The following STK32B variants were observed in gnomAD, a reference collection of about 807,000 sequenced individuals.
STK32B encodes serine/threonine kinase 32B.
A neutral mutation model predicts 52.6 loss-of-function variants in STK32B; 43 were observed. The ratio of observed to expected loss-of-function variants is 0.82; its 90% CI spans 0.64 to 1.05. The LOEUF is 1.05. Ranked by LOEUF, STK32B falls within the 50% of genes least tolerant of loss-of-function variation. The probability of loss-of-function intolerance (pLI) is 0.00; values close to 1 mark genes in which losing one functional copy is unlikely to be tolerated. For missense variants in STK32B, 621 were observed against 534.6 expected (o/e 1.16, Z -1.59); for synonymous variants, 238 against 204.3 (o/e 1.17, Z -1.41).
the STK32B span, among the ~76,000 whole-genome samples, chr4:5,045,183 G>A: frequency 2.6e-5 from 4 of 152,354 alleles, no homozygotes; most frequent in Non-Finnish European, 4.4e-5. Context: ...GAGTCTTTGA[G>A]CCACCTGCCA....
At chr4:5,278,981 C>T (rs749276671) in intron 3 of STK32B, among the ~76,000 whole-genome samples, 2 of 152,148 alleles carry the variant, frequency 1.3e-5, no homozygotes, top group Non-Finnish European at 2.9e-5. Context: ...AGGTCCCTAC[C>T]CCAACACTGA....
the STK32B span, among the ~76,000 whole-genome samples, chr4:5,025,127 A>AC: frequency 0.19 from 28,275 of 151,726 alleles, 3,131 homozygotes; most frequent in African/African-American, 0.31. Context: ...AATCCTTGAC[A>AC]CCCTTCCCCC....
intron 3 of STK32B, among the ~76,000 whole-genome samples, chr4:5,321,263 A>G (rs1005829379): frequency 4.6e-5 from 7 of 152,168 alleles, no homozygotes; most frequent in Admixed American, 1.3e-4. Flanking sequence ...GCCTCGGTCA[A>G]TGGTATTAAA....
intron 8 of STK32B, among the ~76,000 whole-genome samples, chr4:5,458,242 G>T (rs1170773876): frequency 3.9e-5 from 6 of 152,288 alleles, no homozygotes; most frequent in East Asian, 1.9e-4. Context: ...TGCCTTTAAG[G>T]CTCCCTTCAC....
intron 3 of STK32B, among the ~76,000 whole-genome samples, chr4:5,248,606 G>A (rs546320100): frequency 3.3e-5 from 5 of 152,000 alleles, no homozygotes; most frequent in Non-Finnish European, 5.9e-5. Flanking sequence ...TTATTTTAGA[G>A]GTTTCCCAAA....
upstream of STK32B, among the ~76,000 whole-genome samples, chr4:5,048,767 C>G (rs1416174909): frequency 2.6e-5 from 4 of 152,246 alleles, no homozygotes; most frequent in African/African-American, 9.6e-5. Context: ...CACTTCTCAA[C>G]CATTTGAGTT....
In STK32B at chr4:5,300,625, G is replaced by A. The variant is rs761518732; in HGVS notation, c.261-30595G>A. ...AAATGTAAATGTACAAAAATCAGTA[G>A]CATTTCTATCCACTAATAACATTCA... On this transcript the variant is annotated intron_variant, in intron 3 of 11. Transcript: ENST00000282908. 2.0e-5 allele frequency among the ~76,000 whole-genome samples: 3 copies of A among 152,068 alleles called. No homozygotes were observed. The South Asian group carries it at 6.2e-4, about 31-fold the overall frequency.
At chr4:5,383,859 G>T (rs574242650) in intron 4 of STK32B, among the ~76,000 whole-genome samples, 45 of 152,360 alleles carry the variant, frequency 3.0e-4, no homozygotes, top group African/African-American at 8.9e-4. Context: ...ATACAGCAGT[G>T]GGGGGATAAA....
chr4:5,360,934 ACTC>A (rs1734506227), intron 4 of STK32B, among the ~76,000 whole-genome samples: 1 of 152,138 alleles, frequency 6.6e-6, no homozygotes, highest in Non-Finnish European at 1.5e-5. Context: ...AATCTCCAGA[ACTC>A]CTCATTTTGC....
chr4:5,260,137 T>G (rs767169907), intron 3 of STK32B, among the ~76,000 whole-genome samples: 1 of 152,028 alleles, frequency 6.6e-6, no homozygotes, highest in Non-Finnish European at 1.5e-5. Context: ...ACACTAAAAT[T>G]TACAGCTTCA....
chr4:5,119,802 G>A (rs926148697), intron 1 of STK32B, among the ~76,000 whole-genome samples: 2 of 152,222 alleles, frequency 1.3e-5, no homozygotes, highest in African/African-American at 4.8e-5. Flanking sequence ...AAGCTAATGT[G>A]CTGACTAGAG....
upstream of STK32B, among the ~76,000 whole-genome samples, chr4:5,051,050 A>G (rs73200903): frequency 0.014 from 2,155 of 152,152 alleles, 25 homozygotes; most frequent in South Asian, 0.067. Context: ...ACACTGAGAA[A>G]AACCTTAAGA....
At chr4:5,103,127 C>A (rs563782220) in intron 1 of STK32B, among the ~76,000 whole-genome samples, 2 of 151,514 alleles carry the variant, frequency 1.3e-5, no homozygotes, top group Non-Finnish European at 2.9e-5. Context: ...TAGAATCCTT[C>A]ATGGATTTGG....
intron 3 of STK32B, among the ~76,000 whole-genome samples, chr4:5,171,450 G>T (rs897685738): frequency 2.6e-5 from 4 of 152,158 alleles, no homozygotes; most frequent in South Asian, 2.1e-4. Context: ...GGTCTAACAT[G>T]TAAGTCTTTA....
intron 11 of STK32B, among the ~76,000 whole-genome samples, chr4:5,490,481 T>G (rs915981741): frequency 6.6e-6 from 1 of 152,140 alleles, no homozygotes; most frequent in Non-Finnish European, 1.5e-5. Context: ...ATATACTGAA[T>G]TGGACAAAGA....
In STK32B at chr4:5,345,697, A is replaced by G. The variant is rs566210596; in HGVS notation, c.434+14304A>G. Among the ~76,000 whole-genome samples the G allele has an allele frequency of 1.7e-4, 26 of 152,340 alleles. 1 individual carries two copies. In the South Asian group the frequency reaches 5.4e-3, roughly 32 times the overall value. On this transcript the variant is annotated intron_variant, in intron 4 of 11. Transcript: ENST00000282908. ...CAGGAAGTGGCCACCCCAAGTCACC[A>G]AGCTTGAGGGCCTAAGCTCATACTA...
At chr4:5,443,003 G>C (rs1714948304) in intron 6 of STK32B, among the ~76,000 whole-genome samples, 1 of 151,220 alleles carries the variant, frequency 6.6e-6, no homozygotes, top group African/African-American at 2.4e-5. Context: ...TCCCTTTGAG[G>C]GTAACCCGAC....
At chr4:5,211,158 G>C (rs1722882071) in intron 3 of STK32B, among the ~76,000 whole-genome samples, 2 of 152,110 alleles carry the variant, frequency 1.3e-5, no homozygotes, top group African/African-American at 4.8e-5. Flanking sequence ...CAAAAGCTCT[G>C]AGAATTCCTT....
At chr4:5,325,241 C>T (rs1308937175) in intron 3 of STK32B, among the ~76,000 whole-genome samples, 3 of 152,166 alleles carry the variant, frequency 2.0e-5, no homozygotes, top group Non-Finnish European at 4.4e-5. Context: ...CACCACATTA[C>T]AGAACACCAT....
Sources: gnomAD v4.1 joint callset for allele counts (sites outside exome capture counted in the v4.1 genomes callset) on GRCh38, gnomAD v4.1.1 for gene constraint, MANE v1.5 for transcripts, NCBI Gene and HGNC (gene_info 2026-07-23, HGNC 2026-07-21) for gene names.